The following CACNB1 variants were observed in gnomAD, a reference collection of about 807,000 sequenced individuals.
CACNB1 encodes the protein voltage-dependent L-type calcium channel subunit beta-1.
CACNB1 carries 29 observed loss-of-function variants against 71.6 expected under a neutral mutation model. The ratio of observed to expected loss-of-function variants is 0.40; its 90% CI spans 0.30 to 0.55. The LOEUF (loss-of-function observed/expected upper bound fraction) is 0.55. Ranked by LOEUF, CACNB1 falls within the 20% of genes least tolerant of loss-of-function variation. The pLI, the probability that CACNB1 is intolerant of heterozygous loss-of-function variation, is 0.38. For missense variants in CACNB1, 623 were observed against 801.8 expected (o/e 0.78, Z 2.69); for synonymous variants, 300 against 319.6 (o/e 0.94, Z 0.65).
At chr17:39,190,015 T>C (rs2046034644) in intron 3 of CACNB1, among the ~76,000 whole-genome samples, 1 of 151,926 alleles carries the variant, frequency 6.6e-6, no homozygotes, top group Non-Finnish European at 1.5e-5. Flanking sequence ...CTTGGGAGGC[T>C]GAGGCAAGGA....
Position 39,186,814 on chromosome 17 carries a change from C to T in CACNB1, c.530G>A (p.Arg177His), listed in dbSNP as rs764913364. 3.1e-6 allele frequency: 5 copies of T among 1,614,004 alleles called. No homozygotes were observed. The highest frequency in any genetic ancestry group is 2.2e-5 in the East Asian group (1 of 44,884). ...ACACCTGGAGCCGAGGCGGTTCTGG[C>T]GCAGCTTCTGTTCCTGCAGCAGGCG... ...SLRLLQEQKLRQNRLGSSKSG... is the reference protein window; with the variant it reads ...SLRLLQEQKLHQNRLGSSKSG... The change falls in exon 5 of 14, where the codon CGC becomes CAC. Residue 177 changes from arginine to histidine, a missense_variant. Physicochemically the swap from Arg to His is conservative, Grantham distance 29. Coordinates refer to ENST00000394303, the MANE Select transcript of CACNB1 (RefSeq NM_000723.5). The surrounding 1 kb of genome is among the most constrained non-coding windows in gnomAD (Gnocchi z 4.1).
chr17:39,184,448 T>C, intron 8 of CACNB1, 65 bp from the exon 9 acceptor site: 5 of 907,876 alleles, frequency 5.5e-6, no homozygotes, highest in Non-Finnish European at 8.9e-6. Context: ...GCTCAGACTC[T>C]GAGTCGCTGG....
Position 39,184,032 on chromosome 17 carries a change from C to T in CACNB1, c.897G>A (p.Leu299=). 1 of 1,609,924 alleles carries T rather than the reference C, an allele frequency of 6.2e-7. No individual in the cohort carries two copies. The highest frequency in any genetic ancestry group is 8.5e-7 in the Non-Finnish European group (1 of 1,176,436). ...IIERSNTRSS[L]AEVQSEIERI... ...TGAAGACAGCAGGAGTAGGCTCACC[C>T]AGGCTGGAGCGTGTGTTGGAGCGCT... The change falls in exon 10 of 14, where the codon CTG becomes CTA. Residue 299 remains leucine, a splice_region_variant and synonymous_variant. Coordinates refer to ENST00000394303, the MANE Select transcript of CACNB1 (RefSeq NM_000723.5).
intron 1 of CACNB1, 39 bp downstream of exon 1, chr17:39,197,373 A>ATCC: frequency 7.4e-7 from 1 of 1,350,522 alleles, no homozygotes. Context: ...GGTCCGCGGG[A>ATCC]GCGACCCCCT....
chr17:39,184,043 G>C lies in CACNB1; in HGVS notation c.886C>G (p.Arg296Gly). 6.2e-7 allele frequency: 1 copy of C among 1,611,310 alleles called. No individual in the cohort carries two copies. The highest frequency in any genetic ancestry group is 8.5e-7 in the Non-Finnish European group (1 of 1,177,564). Residue 296 changes from arginine to glycine, a missense_variant, in exon 10 of 14, where the codon CGC becomes GGC. Transcript: ENST00000394303. ...KHIIIERSNT[R>G]SSLAEVQSEI... ...GGAGTAGGCTCACCCAGGCTGGAGC[G>C]TGTGTTGGAGCGCTCAATGATGATG... is the stretch of plus-strand genomic sequence containing the variant.
Position 39,187,465 on chromosome 17 carries a change from C to T in CACNB1, c.414+14G>A. 6.2e-7 allele frequency: 1 copy of T among 1,613,726 alleles called. No individual in the cohort carries two copies. Among genetic ancestry groups the T allele is most frequent in the Non-Finnish European group, 8.5e-7 (1 of 1,179,782 alleles). On this transcript the variant is annotated intron_variant, in intron 4 of 13. Coordinates refer to ENST00000394303, the MANE Select transcript of CACNB1 (RefSeq NM_000723.5). ...CCTGGCACCCACTTCCCTGCCCTCC[C>T]TCCAGATACCCACCTCCTTGATGTG...
Position 39,183,700 on chromosome 17 carries a change from C to A in CACNB1, c.1050+13G>T. Reference sequence around the variant, plus strand: ...CCACGCTGTCCTGGCCAGGGTCAGGCTCCTGCACCCACCTTGGGAGAGGTG... The same window carrying A: ...CCACGCTGTCCTGGCCAGGGTCAGGATCCTGCACCCACCTTGGGAGAGGTG... On this transcript the variant is annotated intron_variant, in intron 11 of 13. Coordinates refer to ENST00000394303, the MANE Select transcript of CACNB1 (RefSeq NM_000723.5). The A allele has an allele frequency of 6.3e-7, 1 of 1,580,386 alleles. No individual in the cohort carries two copies. The highest frequency in any genetic ancestry group is 8.6e-7 in the Non-Finnish European group (1 of 1,161,774).
chr17:39,197,651 T>C lies in CACNB1; in HGVS notation c.-156A>G. The C allele has an allele frequency of 3.6e-6, 2 of 553,750 alleles. No individual in the cohort carries two copies. Among genetic ancestry groups the C allele is most frequent in the Non-Finnish European group, 3.1e-6 (1 of 321,252 alleles). The allele number at this position is 553,750 out of a possible 1,614,324, so 34.3% of individuals were successfully genotyped here. A position where few individuals can be genotyped will look rare whatever the true frequency, so the allele number is the denominator to read the frequency against. ...CTGCCTCCTTCCTGCCTTCCCTCGC[T>C]CCTCCCGCTCTCTCCACTGCCGCCG... On this transcript the variant is annotated 5_prime_UTR_variant, in exon 1 of 14. Coordinates refer to ENST00000394303, the MANE Select transcript of CACNB1 (RefSeq NM_000723.5).
In CACNB1 at chr17:39,175,443, C is replaced by T. The variant is rs2045553125; in HGVS notation, c.1547G>A (p.Gly516Glu). ...AGTCTCCATGTCCACACATGAGTCT[C>T]CCAGCTCCGTGTAGGCAGAGTTTCG... ...GSRNSAYTEL[G>E]DSCVDMETDP... Residue 516 changes from glycine to glutamate, a missense_variant, in exon 14 of 14, where the codon GGA becomes GAA. Coordinates refer to ENST00000394303, the MANE Select transcript of CACNB1 (RefSeq NM_000723.5). This position sits in a 1 kb window ranked among gnomAD's most constrained non-coding sequence, Gnocchi z 4.7. 6.2e-7 allele frequency: 1 copy of T among 1,614,244 alleles called. No homozygotes were observed. The highest frequency in any genetic ancestry group is 8.5e-7 in the Non-Finnish European group (1 of 1,180,048).
chr17:39,197,370 G>A (rs1233790110), intron 1 of CACNB1, 42 bp downstream of exon 1: 2 of 1,342,008 alleles, frequency 1.5e-6, no homozygotes, highest in South Asian at 1.5e-5. Context: ...CACGGTCCGC[G>A]GGAGCGACCC....
In CACNB1 at chr17:39,186,102, T is replaced by C. The variant is rs751424652; in HGVS notation, c.628+394A>G. 10 of 1,613,404 alleles carry C rather than the reference T, an allele frequency of 6.2e-6. No individual in the cohort carries two copies. The highest frequency in any genetic ancestry group is 3.3e-5 in the South Asian group (3 of 91,044). ...TCAAAGGCTAAGTTAGTCATTTCAT[T>C]ACCTGGACCGGAGAGTCAGGAGAGA... On this transcript the variant is annotated intron_variant, in intron 6 of 13. Coordinates refer to ENST00000394303, the MANE Select transcript of CACNB1 (RefSeq NM_000723.5). The surrounding 1 kb of genome is among the most constrained non-coding windows in gnomAD (Gnocchi z 4.1).
intron 1 of CACNB1, among the ~76,000 whole-genome samples, chr17:39,195,540 T>C (rs1279440366): frequency 6.6e-6 from 1 of 152,110 alleles, no homozygotes; most frequent in African/African-American, 2.4e-5. Flanking sequence ...ACAGCTCTCT[T>C]GGAGACTCAG....
At chr17:39,187,271 C>T (rs2045964542) in intron 4 of CACNB1, 2 of 643,420 alleles carry the variant, frequency 3.1e-6, no homozygotes, top group South Asian at 2.0e-5. Flanking sequence ...GGCCCCCTAA[C>T]AAACCCTCCC....
intron 4 of CACNB1, 92 bp from the exon 5 acceptor site, chr17:39,187,021 A>C: frequency 4.3e-6 from 6 of 1,403,484 alleles, no homozygotes; most frequent in Non-Finnish European, 4.0e-6. Flanking sequence ...GCCCAGACTC[A>C]CCTCCCAGCC....
At position 39,186,110 on chromosome 17, in the gene CACNB1, C is replaced by G; in HGVS notation, c.628+386G>C. ...TAAGTTAGTCATTTCATTACCTGGA[C>G]CGGAGAGTCAGGAGAGAGGGAGGAG... On this transcript the variant is annotated intron_variant, in intron 6 of 13. Coordinates refer to ENST00000394303, the MANE Select transcript of CACNB1 (RefSeq NM_000723.5). The surrounding 1 kb of genome is among the most constrained non-coding windows in gnomAD (Gnocchi z 4.1). 6.2e-7 allele frequency: 1 copy of G among 1,612,898 alleles called. No homozygotes were observed. Among genetic ancestry groups the G allele is most frequent in the Non-Finnish European group, 8.5e-7 (1 of 1,179,354 alleles).
At position 39,173,584 on chromosome 17, in the gene CACNB1, C is replaced by T. The variant is rs1048102056; in HGVS notation, c.*1609G>A. ...ACAGGTAAGTGAAGGGGCTCAGGGC[C>T]AGTGTGGAGCTGGGACTGCCCAAGC... On this transcript the variant is annotated 3_prime_UTR_variant, in exon 14 of 14. Transcript: ENST00000394303. The T allele has an allele frequency of 1.3e-5, 2 of 152,350 alleles. No individual in the cohort carries two copies. The highest frequency in any genetic ancestry group is 1.3e-4 in the Admixed American group (2 of 15,276). 9.4% of individuals were successfully genotyped at this position (152,350 alleles called of 1,614,324 possible).
Position 39,186,483 on chromosome 17 carries a change from C to A in CACNB1, c.628+13G>T, listed in dbSNP as rs758398312. The A allele has an allele frequency of 2.5e-6, 4 of 1,605,720 alleles. No homozygotes were observed. The highest frequency in any genetic ancestry group is 1.7e-5 in the Admixed American group (1 of 59,660). ...AGCTTCTTCCCAAACCCCTGCATGG[C>A]GATGGCTCTTACCACTGGCAGGGGG... On this transcript the variant is annotated intron_variant, in intron 6 of 13. Transcript: ENST00000394303. The surrounding 1 kb of genome is among the most constrained non-coding windows in gnomAD (Gnocchi z 4.1).
Position 39,177,333 on chromosome 17 carries a change from G to A in CACNB1, c.1332+17C>T. ...CCAGAAGCCGAGGTTTCTCCTGAGC[G>A]AGGTGAGCACCTGTACCTGGAGGTT... On this transcript the variant is annotated intron_variant, in intron 13 of 13. Coordinates refer to ENST00000394303, the MANE Select transcript of CACNB1 (RefSeq NM_000723.5). 3 of 1,612,558 alleles carry A rather than the reference G, an allele frequency of 1.9e-6. No homozygotes were observed. Among genetic ancestry groups the A allele is most frequent in the Non-Finnish European group, 2.5e-6 (3 of 1,179,394 alleles).
Position 39,184,101 on chromosome 17 carries a change from A to G in CACNB1, c.828T>C (p.Ala276=). The G allele has an allele frequency of 6.2e-7, 1 of 1,613,630 alleles. No homozygotes were observed. Among genetic ancestry groups the G allele is most frequent in the Admixed American group, 1.7e-5 (1 of 60,016 alleles). The part of the protein sequence containing the change: ...ITRVTADISL[A]KRSVLNNPSK... ...TGGGGTTGTTGAGAACTGAGCGCTT[A>G]GCCAGGGAAATATCTGCCGTCACAC... Residue 276 remains alanine (A), a synonymous_variant, in exon 10 of 14, where the codon GCT becomes GCC. Transcript: ENST00000394303.
Sources: allele counts gnomAD v4.1 joint callset (sites outside exome capture counted in the v4.1 genomes callset), GRCh38; gene constraint gnomAD v4.1.1; non-coding constraint Gnocchi (gnomAD v3.1); transcripts MANE v1.5; gene names NCBI Gene and HGNC (gene_info 2026-07-23, HGNC 2026-07-21).